TCF12: variants seen among roughly 807,000 people sequenced by gnomAD.
TCF12 encodes transcription factor 12, also known as DNA-binding protein HTF4.
In TCF12, 45 loss-of-function variants were observed where a neutral mutation model predicts 86.0. The observed-to-expected ratio is 0.52, with a 90% CI of 0.41 to 0.67. TCF12 has a LOEUF of 0.67. TCF12 is among the 30% of genes least tolerant of loss of function. The pLI is 0.00. For synonymous variants in TCF12, 330 were observed against 299.6 expected (o/e 1.10, Z -1.05); for missense variants, 881 against 859.9 (o/e 1.02, Z -0.31).
At chr15:57,143,253 A>C (rs764533481) in intron 5 of TCF12, among the ~76,000 whole-genome samples, 1 of 152,132 alleles carries the variant, frequency 6.6e-6, no homozygotes, top group Non-Finnish European at 1.5e-5. Context: ...GTAAAATTCA[A>C]ACAGGGTCTG....
chr15:57,197,149 C>CT (rs2057304439), intron 7 of TCF12, among the ~76,000 whole-genome samples: 1 of 68,010 alleles, frequency 1.5e-5, no homozygotes, highest in Non-Finnish European at 3.2e-5. Context: ...CACAGAACAG[C>CT]TTCTTTTTTT....
At chr15:56,940,904 A>G (rs1208148485) in intron 3 of TCF12, among the ~76,000 whole-genome samples, 1 of 144,700 alleles carries the variant, frequency 6.9e-6, no homozygotes, top group Admixed American at 7.0e-5. Flanking sequence ...GTGCGTGACC[A>G]TGCCCAGCTG....
At chr15:57,097,663 G>T (rs570898385) in intron 5 of TCF12, among the ~76,000 whole-genome samples, 2 of 152,238 alleles carry the variant, frequency 1.3e-5, no homozygotes, top group South Asian at 2.1e-4. Context: ...TAAGGATGAG[G>T]CCTTTTACTT....
At chr15:57,274,870 CTT>C (rs1435002890) in intron 19 of TCF12, among the ~76,000 whole-genome samples, 1 of 151,566 alleles carries the variant, frequency 6.6e-6, no homozygotes, top group African/African-American at 2.4e-5. Flanking sequence ...TTTTTAAAAA[CTT>C]TTTTTTTAAG....
At chr15:57,161,269 A>G (rs1236967298) in intron 5 of TCF12, among the ~76,000 whole-genome samples, 1 of 152,240 alleles carries the variant, frequency 6.6e-6, no homozygotes, top group Non-Finnish European at 1.5e-5. Flanking sequence ...AGAGCAAGAT[A>G]ACTTTTTTTT....
chr15:57,067,739 C>T, intron 4 of TCF12, among the ~76,000 whole-genome samples: 1 of 152,036 alleles, frequency 6.6e-6, no homozygotes, highest in Admixed American at 6.6e-5. Flanking sequence ...CTGCTGTCTA[C>T]CTGTGCAGAG....
chr15:57,063,722 T>G, intron 3 of TCF12, 28 bp from the exon 4 acceptor site: 1 of 1,571,706 alleles, frequency 6.4e-7, no homozygotes. Flanking sequence ...TGTTTTTAGA[T>G]ATATCTTTTA....
chr15:57,206,635 T>G (rs1322870735), intron 8 of TCF12, among the ~76,000 whole-genome samples: 2 of 134,114 alleles, frequency 1.5e-5, no homozygotes, highest in African/African-American at 5.4e-5. Context: ...TTGCCCAGGC[T>G]GGAGTGCAGT....
intron 3 of TCF12, among the ~76,000 whole-genome samples, chr15:57,005,225 A>G (rs150773320): frequency 6.6e-6 from 1 of 152,370 alleles, no homozygotes; most frequent in African/African-American, 2.4e-5. Flanking sequence ...GAATATTTGG[A>G]GAACCCTTGA....
rs763220761 is a variant in TCF12 at position 57,282,493 on chromosome 15, A to G, written c.2027A>G (p.Glu676Gly). 127 of 1,614,142 alleles carry G rather than the reference A, an allele frequency of 7.9e-5. No individual in the cohort carries two copies. Among genetic ancestry groups the G allele is most frequent in the Non-Finnish European group, 1.0e-4 (122 of 1,180,054 alleles). ...KAACLKRREE[E>G]KVSAVSAEPP... ...GCCTGCCTTAAGAGAAGGGAAGAAG[A>G]AAAAGTTTCTGCCGTATCGGCAGAG... Residue 676 changes from glutamate (E) to glycine (G), a missense_variant, in exon 20 of 21, where the codon GAA becomes GGA. Transcript: ENST00000333725.
intron 5 of TCF12, among the ~76,000 whole-genome samples, chr15:57,153,858 C>CAAAAAA (rs1292050423): frequency 6.9e-6 from 1 of 144,222 alleles, no homozygotes. Flanking sequence ...TCTGTCTCTC[C>CAAAAAA]AAAAAAAAAA....
intron 5 of TCF12, among the ~76,000 whole-genome samples, chr15:57,163,559 T>C (rs1011248332): frequency 6.6e-6 from 1 of 151,880 alleles, no homozygotes; most frequent in Non-Finnish European, 1.5e-5. Flanking sequence ...TTTAGAAAAT[T>C]AGGCGTGTTG....
intron 4 of TCF12, among the ~76,000 whole-genome samples, chr15:57,074,670 A>T (rs2069730829): frequency 6.6e-6 from 1 of 152,164 alleles, no homozygotes; most frequent in African/African-American, 2.4e-5. Flanking sequence ...ACCACAGTTG[A>T]ACTTTTGGAA....
At chr15:57,081,698 C>T (rs559375391) in intron 4 of TCF12, among the ~76,000 whole-genome samples, 9 of 152,128 alleles carry the variant, frequency 5.9e-5, no homozygotes, top group African/African-American at 1.4e-4. Context: ...CCACTACACC[C>T]GGCTAATGTT....
chr15:57,047,275 A>T (rs2067295987), intron 3 of TCF12, among the ~76,000 whole-genome samples: 1 of 152,190 alleles, frequency 6.6e-6, no homozygotes, highest in Non-Finnish European at 1.5e-5. Flanking sequence ...TTTATCATAG[A>T]TGTTTGTAGA....
chr15:57,264,344 G>A (rs1310783466), intron 18 of TCF12, among the ~76,000 whole-genome samples: 1 of 150,876 alleles, frequency 6.6e-6, no homozygotes, highest in Non-Finnish European at 1.5e-5. Context: ...GGGATTACAG[G>A]CACCCCCCAC....
chr15:57,240,872 C>A lies in TCF12; in HGVS notation c.1036-2600C>A, dbSNP rs2059587377. Among the ~76,000 whole-genome samples the A allele has an allele frequency of 1.1e-4, 9 of 78,824 alleles. No homozygotes were observed. In the South Asian group the frequency reaches 3.5e-3, roughly 30 times the overall value. The allele number at this position is 78,824 out of a possible 152,430, so 51.7% of individuals were successfully genotyped here. On this transcript the variant is annotated intron_variant, in intron 12 of 20. Transcript: ENST00000333725. ...TCCAGCCTGGGTGACAGAGCAAGAC[C>A]CTGTCTCAAAAAAAAAAAAAAAAAA...
chr15:57,255,637 C>A (rs183753913), intron 16 of TCF12, among the ~76,000 whole-genome samples: 6 of 152,230 alleles, frequency 3.9e-5, no homozygotes, highest in African/African-American at 1.4e-4. Context: ...GCACCCGCCA[C>A]CACGTCCGGC....
At chr15:57,192,983 C>T (rs1387263110) in intron 7 of TCF12, among the ~76,000 whole-genome samples, 1 of 152,076 alleles carries the variant, frequency 6.6e-6, no homozygotes, top group African/African-American at 2.4e-5. Flanking sequence ...ACTAGTTTTC[C>T]TTCTTGTAAT....
Sources: allele counts gnomAD v4.1 joint callset (sites outside exome capture counted in the v4.1 genomes callset), GRCh38; gene constraint gnomAD v4.1.1; transcripts MANE v1.5; gene names NCBI Gene and HGNC (gene_info 2026-07-23, HGNC 2026-07-21).